ATAD2: variants seen among roughly 807,000 people sequenced by gnomAD.
ATAD2 encodes ATPase family AAA domain-containing protein 2.
Under a neutral mutation model 168.9 loss-of-function variants are expected in ATAD2, and 62 were observed. The observed-to-expected ratio is 0.37, with a 90% CI of 0.30 to 0.45. The LOEUF is 0.45. Ranked by LOEUF, ATAD2 falls within the 20% of genes least tolerant of loss-of-function variation. The pLI is 1.00. For missense variants in ATAD2, 1,419 were observed against 1,667.8 expected (o/e 0.85, Z 2.60); for synonymous variants, 613 against 571.6 (o/e 1.07, Z -1.03).
At chr8:123,352,292 C>G (rs530009003) in intron 13 of ATAD2, 3 of 152,706 alleles carry the variant, frequency 2.0e-5, no homozygotes, top group South Asian at 4.1e-4. Context: ...CTGGACTCAA[C>G]CTGGGAGCTG....
At chr8:123,377,482 C>T (rs12543337) in intron 2 of ATAD2, among the ~76,000 whole-genome samples, 18 of 152,202 alleles carry the variant, frequency 1.2e-4, no homozygotes, top group Admixed American at 1.1e-3. Flanking sequence ...GGACTTCCAA[C>T]ATTAATTTTT....
intron 13 of ATAD2, among the ~76,000 whole-genome samples, chr8:123,354,059 G>A (rs917182148): frequency 2.0e-5 from 3 of 151,978 alleles, no homozygotes; most frequent in African/African-American, 7.3e-5. Context: ...GCTTGAACTC[G>A]GGAGGCAGAG....
chr8:123,350,452 T>C (rs117625505), intron 13 of ATAD2, among the ~76,000 whole-genome samples: 1,616 of 152,306 alleles, frequency 0.011, 18 homozygotes, highest in Non-Finnish European at 0.015. Context: ...TTCCTGATTG[T>C]CTCAAAATAC....
At position 123,354,536 on chromosome 8, in the gene ATAD2, T is replaced by G. The variant is rs144189251; in HGVS notation, c.1646+1853A>C. Among the ~76,000 whole-genome samples the G allele has an allele frequency of 2.1e-3, 326 of 152,042 alleles. 1 individual carries two copies. The highest frequency in any genetic ancestry group is 7.7e-3 in the African/African-American group (319 of 41,466). ...GCTTGGCCAACATGGCGAAACCCAGTGTCTGCTAAAAATACAAAGAACAGG... is the reference window on the plus strand; with the variant it reads ...GCTTGGCCAACATGGCGAAACCCAGGGTCTGCTAAAAATACAAAGAACAGG... On this transcript the variant is annotated intron_variant, in intron 13 of 27. Transcript: ENST00000287394.
At chr8:123,408,858 C>T (rs1813108373) in intron 1 of ATAD2, among the ~76,000 whole-genome samples, 3 of 147,134 alleles carry the variant, frequency 2.0e-5, no homozygotes, top group Admixed American at 6.9e-5. Flanking sequence ...GACGGAGTCT[C>T]GCTCTATCAC....
At chr8:123,355,763 CTT>C (rs1828622433) in intron 13 of ATAD2, among the ~76,000 whole-genome samples, 1 of 152,156 alleles carries the variant, frequency 6.6e-6, no homozygotes, top group Non-Finnish European at 1.5e-5. Flanking sequence ...TGAATATGCT[CTT>C]GTGATAGGAC....
intron 19 of ATAD2, among the ~76,000 whole-genome samples, chr8:123,344,058 A>G (rs749188700): frequency 1.3e-5 from 2 of 152,334 alleles, no homozygotes; most frequent in Non-Finnish European, 2.9e-5. Context: ...AGCTACAGCT[A>G]TTCCACTTCT....
chr8:123,369,210 TA>T, intron 7 of ATAD2, 35 bp from the exon 8 acceptor site: 1 of 735,312 alleles, frequency 1.4e-6, no homozygotes, highest in Non-Finnish European at 1.8e-6. Context: ...TATTTGTATA[TA>T]TATATATATA....
intron 2 of ATAD2, among the ~76,000 whole-genome samples, chr8:123,373,225 C>CG (rs369495632): frequency 0.028 from 4,214 of 149,334 alleles, 184 homozygotes; most frequent in African/African-American, 0.092. Flanking sequence ...AGAGATGGGG[C>CG]GGGGGGGGTC....
intron 22 of ATAD2, among the ~76,000 whole-genome samples, chr8:123,335,825 G>A (rs146222572): frequency 2.0e-5 from 3 of 152,182 alleles, no homozygotes; most frequent in East Asian, 3.9e-4. Context: ...TAATAGATGC[G>A]ATAGGTGAAA....
At chr8:123,381,521 A>C (rs1461527071) in intron 1 of ATAD2, among the ~76,000 whole-genome samples, 1 of 151,886 alleles carries the variant, frequency 6.6e-6, no homozygotes, top group Non-Finnish European at 1.5e-5. Flanking sequence ...AAAACAAAAC[A>C]AAACAAAACT....
chr8:123,401,013 G>A, upstream of ATAD2: 14 of 1,529,828 alleles, frequency 9.2e-6, no homozygotes, highest in Non-Finnish European at 1.3e-5. Context: ...CCATCACTGA[G>A]ACAGGCACCA....
At chr8:123,381,339 A>C (rs999427860) in intron 1 of ATAD2, among the ~76,000 whole-genome samples, 3 of 152,056 alleles carry the variant, frequency 2.0e-5, no homozygotes, top group African/African-American at 7.2e-5. Context: ...TCTCTACTAA[A>C]ATTGCAAAAA....
intron 2 of ATAD2, among the ~76,000 whole-genome samples, chr8:123,375,418 T>G (rs886441982): frequency 1.3e-5 from 2 of 152,130 alleles, no homozygotes; most frequent in African/African-American, 4.8e-5. Flanking sequence ...CATACATTGG[T>G]GGTAGGAATG....
rs749437271 is a variant in ATAD2 at position 123,328,400 on chromosome 8, C to G, written c.3658G>C (p.Glu1220Gln). Residue 1220 changes from glutamate (E) to glutamine (Q), a missense_variant, in exon 25 of 28, where the codon GAG (glutamate) becomes CAG (glutamine). Physicochemically the swap from Glu to Gln is conservative, Grantham distance 29. Around this residue, in one of 5 missense-constraint regions of ATAD2, gnomAD observed 303 missense variants for 304.3 expected, o/e 1.00. Transcript: ENST00000287394. ...TTTTCATTTTCTTCCACCGAAGACT[C>G]TCCTGTGTTTCCGGTCTCATTATGA... ...VDHNETGNTG[E>Q]SSVEENEKQQ... 1 of 1,556,826 alleles carries G rather than the reference C, an allele frequency of 6.4e-7. No homozygotes were observed. The highest frequency in any genetic ancestry group is 1.8e-5 in the Admixed American group (1 of 55,098).
chr8:123,325,763 G>A (rs1563831028), intron 26 of ATAD2, 130 bp downstream of exon 26: 1 of 1,205,322 alleles, frequency 8.3e-7, no homozygotes. Context: ...ACAGTAAAGG[G>A]AAGCTTGGAG....
intron 8 of ATAD2, among the ~76,000 whole-genome samples, chr8:123,368,408 ACT>A (rs1228243094): frequency 6.6e-6 from 1 of 152,122 alleles, no homozygotes. Context: ...ACACAGCAAG[ACT>A]CTGCTCCGCC....
At chr8:123,386,346 A>C (rs1335417512) in intron 1 of ATAD2, among the ~76,000 whole-genome samples, 2 of 152,222 alleles carry the variant, frequency 1.3e-5, no homozygotes, top group Non-Finnish European at 2.9e-5. Flanking sequence ...TGTTTAAAAA[A>C]GGAAATTTTA....
chr8:123,367,053 A>G (rs925137119), intron 8 of ATAD2, among the ~76,000 whole-genome samples: 8 of 152,176 alleles, frequency 5.3e-5, no homozygotes, highest in African/African-American at 1.9e-4. Flanking sequence ...TCATCCCCCA[A>G]TCTCCATTTT....
Sources: gnomAD v4.1 joint callset for allele counts (sites outside exome capture counted in the v4.1 genomes callset) on GRCh38, gnomAD v4.1.1 for gene constraint, gnomAD v4.1.1 regional missense constraint, MANE v1.5 for transcripts, NCBI Gene and HGNC (gene_info 2026-07-23, HGNC 2026-07-21) for gene names.